AQP11: variants seen among roughly 807,000 people sequenced by gnomAD.
AQP11 encodes the protein aquaporin 11.
A neutral mutation model predicts 21.1 loss-of-function variants in AQP11; 20 were observed. That is an observed-to-expected ratio of 0.95 (90% CI 0.67 to 1.38). The LOEUF is 1.38. Ranked by LOEUF, AQP11 falls within the 40% of genes most tolerant of loss-of-function variation. The pLI is 0.00. For synonymous variants in AQP11, 167 were observed against 150.1 expected (o/e 1.11, Z -0.82); for missense variants, 339 against 340.4 (o/e 1.00, Z 0.03).
intron 2 of AQP11, among the ~76,000 whole-genome samples, chr11:77,608,013 A>G (rs1309578365): frequency 6.6e-6 from 1 of 152,050 alleles, no homozygotes; most frequent in Non-Finnish European, 1.5e-5. Flanking sequence ...ATCTCTCACA[A>G]ATATGTTAAG....
chr11:77,603,734 A>T (rs537505008), intron 2 of AQP11, 62 bp downstream of exon 2: 1 of 1,204,476 alleles, frequency 8.3e-7, no homozygotes, highest in Non-Finnish European at 1.1e-6. Flanking sequence ...TGATATGTGT[A>T]TATCATTGTA....
chr11:77,604,863 G>A (rs1958834865), intron 2 of AQP11, among the ~76,000 whole-genome samples: 1 of 152,174 alleles, frequency 6.6e-6, no homozygotes, highest in Non-Finnish European at 1.5e-5. Flanking sequence ...TCTACAGAGT[G>A]CTAGTATTTT....
chr11:77,591,052 C>G, intron 1 of AQP11: 1 of 985,298 alleles, frequency 1.0e-6, no homozygotes, highest in Non-Finnish European at 1.2e-6. Context: ...AGTATAAGAG[C>G]GGAGGGTAGA....
chr11:77,608,469 C>T (rs541425778), intron 2 of AQP11, among the ~76,000 whole-genome samples: 145 of 152,120 alleles, frequency 9.5e-4, no homozygotes, highest in African/African-American at 3.2e-3. Context: ...AAAAATTAGC[C>T]GAGCATGGTG....
chr11:77,599,421 C>T (rs1187638719), intron 1 of AQP11, among the ~76,000 whole-genome samples: 1 of 148,652 alleles, frequency 6.7e-6, no homozygotes, highest in African/African-American at 2.5e-5. Flanking sequence ...CCTCCCCCAG[C>T]CCCCCACCCC....
chr11:77,602,720 G>A (rs910023510), intron 1 of AQP11, among the ~76,000 whole-genome samples: 1 of 152,180 alleles, frequency 6.6e-6, no homozygotes, highest in African/African-American at 2.4e-5. Context: ...GGCTACAATG[G>A]TGCATGTCAA....
At chr11:77,596,876 G>T (rs1665821475) in intron 1 of AQP11, among the ~76,000 whole-genome samples, 2 of 150,308 alleles carry the variant, frequency 1.3e-5, no homozygotes, top group Non-Finnish European at 3.0e-5. Context: ...AAAAAAAAAA[G>T]ACTGTGCCCT....
intron 2 of AQP11, among the ~76,000 whole-genome samples, chr11:77,605,506 G>A (rs977361598): frequency 6.6e-6 from 1 of 152,154 alleles, no homozygotes; most frequent in Non-Finnish European, 1.5e-5. Flanking sequence ...TCCGTCTCCT[G>A]TCAGATCAGC....
chr11:77,593,632 G>A (rs975786073), intron 1 of AQP11, among the ~76,000 whole-genome samples: 1 of 151,224 alleles, frequency 6.6e-6, no homozygotes, highest in African/African-American at 2.4e-5. Context: ...GCGAGAGAGC[G>A]AGACTCCGTC....
intron 2 of AQP11, among the ~76,000 whole-genome samples, chr11:77,606,016 C>G (rs1377052489): frequency 7.1e-6 from 1 of 141,408 alleles, no homozygotes; most frequent in Non-Finnish European, 1.5e-5. Flanking sequence ...GCACTCTAGC[C>G]TGGGCGACAG....
At chr11:77,593,670 C>A (rs1464081074) in intron 1 of AQP11, among the ~76,000 whole-genome samples, 9 of 151,566 alleles carry the variant, frequency 5.9e-5, no homozygotes, top group South Asian at 2.1e-4. Flanking sequence ...CAAAAAAAAA[C>A]AACCCATCGA....
chr11:77,606,848 G>C (rs1252438301), intron 2 of AQP11, among the ~76,000 whole-genome samples: 1 of 152,174 alleles, frequency 6.6e-6, no homozygotes, highest in Non-Finnish European at 1.5e-5. Context: ...GCCCGCCTTG[G>C]CCTGACAAAG....
chr11:77,600,188 C>T (rs1186752575), intron 1 of AQP11, among the ~76,000 whole-genome samples: 5 of 148,942 alleles, frequency 3.4e-5, no homozygotes, highest in Admixed American at 6.8e-5. Context: ...AGGCTGGTTG[C>T]GAACTCCTGA....
intron 1 of AQP11, among the ~76,000 whole-genome samples, chr11:77,591,699 G>C (rs546311666): frequency 7.6e-4 from 115 of 151,914 alleles, no homozygotes; most frequent in South Asian, 2.3e-3. Context: ...GTGAAACCCC[G>C]TCTCTACTAA....
intron 1 of AQP11, among the ~76,000 whole-genome samples, chr11:77,601,344 CTTTTT>C (rs36104720): frequency 7.7e-5 from 10 of 129,426 alleles, no homozygotes; most frequent in Admixed American, 8.1e-5. Context: ...CCATTCAAAA[CTTTTT>C]TTTTTTTTTT....
Position 77,590,191 on chromosome 11 carries a change from C to G in AQP11, c.199C>G (p.Leu67Val). 6.3e-7 allele frequency: 1 copy of G among 1,599,186 alleles called. No homozygotes were observed. Among genetic ancestry groups the G allele is most frequent in the South Asian group, 1.1e-5 (1 of 88,474 alleles). Residue 67 changes from leucine to valine, a missense_variant, in exon 1 of 3, where the codon CTG (leucine) becomes GTG (valine). Coordinates refer to ENST00000313578, the MANE Select transcript of AQP11 (RefSeq NM_173039.3). ...CTGCTGCACCCACGAGCTGCAACTG[C>G]TGAGCGAACAGCACCCCGCGCACCC... ...LCCCTHELQL[L>V]SEQHPAHPTW...
intron 1 of AQP11, among the ~76,000 whole-genome samples, chr11:77,594,837 C>T (rs1958769037): frequency 6.6e-6 from 1 of 151,898 alleles, no homozygotes; most frequent in African/African-American, 2.4e-5. Flanking sequence ...CACATGGAGC[C>T]CCAGTTATGT....
intron 1 of AQP11, among the ~76,000 whole-genome samples, chr11:77,603,274 C>T (rs556552404): frequency 1.9e-4 from 29 of 152,112 alleles, no homozygotes; most frequent in East Asian, 7.7e-4. Context: ...TTTTATAAAA[C>T]GGTAGGAATA....
rs2135753727 is a variant in AQP11 at position 77,610,199 on chromosome 11, T to C, written c.*822T>C. On this transcript the variant is annotated 3_prime_UTR_variant, in exon 3 of 3. Transcript: ENST00000313578. ...ATCACATAGAGCCAAATACCATCTCTAGTCTTCAACTTCAATCCAAAAATT... is the reference window on the plus strand; with the variant it reads ...ATCACATAGAGCCAAATACCATCTCCAGTCTTCAACTTCAATCCAAAAATT... The C allele has an allele frequency of 6.6e-6, 1 of 152,346 alleles. No homozygotes were observed. The highest frequency in any genetic ancestry group is 6.5e-5 in the Admixed American group (1 of 15,304). The allele number at this position is 152,346 out of a possible 1,614,324, so 9.4% of individuals were successfully genotyped here. A position where few individuals can be genotyped will look rare whatever the true frequency, so the allele number is the denominator to read the frequency against.
Sources: gnomAD v4.1 joint callset for allele counts (sites outside exome capture counted in the v4.1 genomes callset) on GRCh38, gnomAD v4.1.1 for gene constraint, MANE v1.5 for transcripts, NCBI Gene and HGNC (gene_info 2026-07-23, HGNC 2026-07-21) for gene names.